GRK4: variants seen among roughly 807,000 people sequenced by gnomAD.
GRK4 encodes the protein G protein-coupled receptor kinase 2-like.
A neutral mutation model predicts 77.9 loss-of-function variants in GRK4; 73 were observed. That is an observed-to-expected ratio of 0.94 (90% CI 0.78 to 1.14). The LOEUF is 1.14. Among genes scored for constraint, GRK4 ranks in the 50% most tolerant of loss-of-function variants. GRK4 has a pLI of 0.00. For synonymous variants in GRK4, 257 were observed against 254.4 expected, an observed-to-expected ratio of 1.01 and a Z score of -0.10; for missense variants, 729 against 700.2, an observed-to-expected ratio of 1.04 and a Z score of -0.46.
At chr4:3,013,081 T>A (rs952973595) in intron 7 of GRK4, among the ~76,000 whole-genome samples, 3 of 151,594 alleles carry the variant, frequency 2.0e-5, no homozygotes, top group African/African-American at 7.3e-5. Flanking sequence ...TCTCACTCTG[T>A]CGCCCAGGCT....
chr4:2,988,713 T>G lies in GRK4; in HGVS notation c.149-14T>G, dbSNP rs773595759. The G allele has an allele frequency of 2.7e-6, 4 of 1,457,216 alleles. No individual in the cohort carries two copies. The Admixed American group carries it at 6.7e-5, about 24-fold the overall frequency. 90.3% of individuals were successfully genotyped at this position (1,457,216 alleles called of 1,614,324 possible). A position where few individuals can be genotyped will look rare whatever the true frequency, so the allele number is the denominator to read the frequency against. ...ATTCTATTTGTTTGCTTCTTATCCC[T>G]TTGCTTCACCCAGAAAAGGATTATA... is the stretch of plus-strand genomic sequence containing the variant. On this transcript the variant is annotated splice_polypyrimidine_tract_variant and intron_variant, in intron 2 of 15. Coordinates refer to ENST00000398052, the MANE Select transcript of GRK4 (RefSeq NM_182982.3).
intron 9 of GRK4, 112 bp downstream of exon 9, chr4:3,019,943 G>A (rs1048767145): frequency 2.0e-6 from 2 of 993,340 alleles, no homozygotes; most frequent in African/African-American, 3.2e-5. Context: ...AGAATAGCTG[G>A]GAGGCCCTCG....
At chr4:2,981,874 C>A (rs1396910580) in intron 1 of GRK4, among the ~76,000 whole-genome samples, 1 of 152,266 alleles carries the variant, frequency 6.6e-6, no homozygotes, top group Non-Finnish European at 1.5e-5. Flanking sequence ...CTGAACTCAG[C>A]CACGCCTTGG....
intron 3 of GRK4, 132 bp from the exon 4 acceptor site, chr4:2,992,083 G>A: frequency 2.0e-6 from 1 of 492,746 alleles, no homozygotes; most frequent in Non-Finnish European, 3.7e-6. Flanking sequence ...TCGCTATGTT[G>A]CTCAGGCTGG....
chr4:3,015,018 C>T (rs1048487858), intron 8 of GRK4, among the ~76,000 whole-genome samples: 6 of 152,116 alleles, frequency 3.9e-5, no homozygotes, highest in African/African-American at 7.2e-5. Context: ...GGAAGTTTAC[C>T]GCTAGGCCCT....
chr4:2,965,813 C>T (rs1717465762), intron 1 of GRK4: 1 of 296,466 alleles, frequency 3.4e-6, no homozygotes, highest in Non-Finnish European at 6.5e-6. Context: ...AGTCCCAGAG[C>T]AGTATGCGTT....
intron 12 of GRK4, among the ~76,000 whole-genome samples, chr4:3,031,992 C>A (rs1428022163): frequency 6.6e-6 from 1 of 152,102 alleles, no homozygotes; most frequent in Non-Finnish European, 1.5e-5. Flanking sequence ...ACAGGCTCGT[C>A]CTGGAGCCAG....
intron 4 of GRK4, among the ~76,000 whole-genome samples, chr4:3,003,069 A>G (rs1002831202): frequency 6.6e-6 from 1 of 152,156 alleles, no homozygotes; most frequent in Non-Finnish European, 1.5e-5. Context: ...CGTCCATTCA[A>G]CAATTCCCAG....
chr4:3,015,252 T>A (rs1734096411), intron 8 of GRK4, among the ~76,000 whole-genome samples: 1 of 152,174 alleles, frequency 6.6e-6, no homozygotes, highest in Admixed American at 6.5e-5. Flanking sequence ...AGGGAGAGTG[T>A]GAACGAGAAT....
At chr4:3,016,285 G>A (rs1734468084) in intron 8 of GRK4, among the ~76,000 whole-genome samples, 1 of 151,264 alleles carries the variant, frequency 6.6e-6, no homozygotes, top group African/African-American at 2.4e-5. Flanking sequence ...GGGAGGCCAA[G>A]GCCTGCAGAT....
intron 5 of GRK4, among the ~76,000 whole-genome samples, chr4:3,004,658 G>A (rs77382788): frequency 0.019 from 2,867 of 151,892 alleles, 78 homozygotes; most frequent in African/African-American, 0.066. Context: ...AAAAAATAAA[G>A]TGTTACTAAG....
At chr4:3,007,546 T>C (rs1290191627) in intron 5 of GRK4, among the ~76,000 whole-genome samples, 190 bp from the exon 6 acceptor site, 6 of 152,234 alleles carry the variant, frequency 3.9e-5, no homozygotes, top group Middle Eastern at 3.2e-3. Flanking sequence ...TTTCATTCAT[T>C]CTATTTCACT....
At chr4:2,973,707 C>A (rs534508096) in intron 1 of GRK4, among the ~76,000 whole-genome samples, 8 of 152,346 alleles carry the variant, frequency 5.3e-5, no homozygotes, top group South Asian at 4.1e-4. Flanking sequence ...GTCAGCGTCT[C>A]ACCTGGAACA....
At chr4:3,039,578 A>C (rs1465140415) in intron 15 of GRK4, among the ~76,000 whole-genome samples, 1 of 149,954 alleles carries the variant, frequency 6.7e-6, no homozygotes, top group African/African-American at 2.5e-5. Flanking sequence ...TGTGCCTGTA[A>C]TCCCAGCTAC....
At chr4:2,989,968 C>T (rs1387209099) in intron 3 of GRK4, among the ~76,000 whole-genome samples, 4 of 152,132 alleles carry the variant, frequency 2.6e-5, no homozygotes, top group Non-Finnish European at 5.9e-5. Context: ...TATGATCCTT[C>T]CTCTCTCTGC....
At chr4:2,973,763 A>C (rs537199607) in intron 1 of GRK4, among the ~76,000 whole-genome samples, 1 of 152,132 alleles carries the variant, frequency 6.6e-6, no homozygotes, top group Admixed American at 6.5e-5. Context: ...CGTTCTCAGC[A>C]CAGCAGCCAG....
chr4:2,972,051 A>G (rs974446852), intron 1 of GRK4, among the ~76,000 whole-genome samples: 1 of 152,228 alleles, frequency 6.6e-6, no homozygotes, highest in Non-Finnish European at 1.5e-5. Flanking sequence ...AACGTTTTTT[A>G]GGATGGGACG....
At chr4:2,979,441 G>T (rs981340625) in intron 1 of GRK4, among the ~76,000 whole-genome samples, 1 of 148,960 alleles carries the variant, frequency 6.7e-6, no homozygotes, top group Non-Finnish European at 1.5e-5. Flanking sequence ...GGCCAGGCAC[G>T]GTGGCTCACG....
chr4:3,012,150 A>G (rs1733097067), intron 7 of GRK4, among the ~76,000 whole-genome samples: 1 of 152,238 alleles, frequency 6.6e-6, no homozygotes, highest in African/African-American at 2.4e-5. Context: ...TCCACTTAGA[A>G]TAATTTGTTT....
Sources: gnomAD v4.1 joint callset for allele counts (sites outside exome capture counted in the v4.1 genomes callset) on GRCh38, gnomAD v4.1.1 for gene constraint, MANE v1.5 for transcripts, NCBI Gene and HGNC (gene_info 2026-07-23, HGNC 2026-07-21) for gene names.